The following LRRTM4 variants were observed in gnomAD, a reference collection of about 807,000 sequenced individuals.
LRRTM4 encodes the protein leucine rich repeat transmembrane neuronal 4, also known as leucine-rich repeat transmembrane neuronal protein 4.
Under a neutral mutation model 47.6 loss-of-function variants are expected in LRRTM4, and 25 were observed. That is an observed-to-expected ratio of 0.53 (90% CI 0.38 to 0.73). The LOEUF (loss-of-function observed/expected upper bound fraction) is 0.73. LRRTM4 is among the 30% of genes least tolerant of loss of function. The pLI, the probability that LRRTM4 is intolerant of heterozygous loss-of-function variation, is 0.00. For missense variants in LRRTM4, 638 were observed against 713.4 expected (o/e 0.89, Z 1.20); for synonymous variants, 311 against 269.5 (o/e 1.15, Z -1.51).
At chr2:77,317,985 T>A (rs1271057518) in intron 3 of LRRTM4, among the ~76,000 whole-genome samples, 2 of 150,980 alleles carry the variant, frequency 1.3e-5, no homozygotes, top group African/African-American at 4.9e-5. Context: ...AACATTTTCC[T>A]TTAAATTCCT....
intron 3 of LRRTM4, among the ~76,000 whole-genome samples, chr2:76,938,326 G>C (rs1047350688): frequency 6.6e-6 from 1 of 152,072 alleles, no homozygotes. Context: ...CATTCTGCTA[G>C]TATTTTAGAT....
intron 3 of LRRTM4, among the ~76,000 whole-genome samples, chr2:77,204,804 G>A (rs192606850): frequency 6.6e-6 from 1 of 152,246 alleles, no homozygotes; most frequent in Admixed American, 6.5e-5. Flanking sequence ...GGAAGGGCTC[G>A]ATAAATACTC....
At chr2:77,411,233 T>C (rs1674409057) in intron 3 of LRRTM4, among the ~76,000 whole-genome samples, 1 of 152,076 alleles carries the variant, frequency 6.6e-6, no homozygotes, top group Non-Finnish European at 1.5e-5. Flanking sequence ...ATAGCCTTAA[T>C]CTTCTTTGTG....
chr2:77,180,808 C>T (rs1052811731), intron 3 of LRRTM4, among the ~76,000 whole-genome samples: 1 of 152,018 alleles, frequency 6.6e-6, no homozygotes, highest in Non-Finnish European at 1.5e-5. Flanking sequence ...AAGGAGAAAT[C>T]GTGAATCTGG....
At chr2:77,092,808 C>T (rs1670690162) in intron 3 of LRRTM4, among the ~76,000 whole-genome samples, 1 of 142,598 alleles carries the variant, frequency 7.0e-6, no homozygotes, top group Non-Finnish European at 1.5e-5. Flanking sequence ...GTCAAATCAG[C>T]CAAGCAGTTT....
intron 3 of LRRTM4, among the ~76,000 whole-genome samples, chr2:76,831,289 ATT>A (rs1403948913): frequency 2.0e-5 from 3 of 152,158 alleles, no homozygotes; most frequent in Non-Finnish European, 2.9e-5. Context: ...ACAGGATACT[ATT>A]TGTAAATTTG....
intron 3 of LRRTM4, among the ~76,000 whole-genome samples, chr2:77,510,280 T>G (rs1010127751): frequency 6.6e-6 from 1 of 152,088 alleles, no homozygotes; most frequent in African/African-American, 2.4e-5. Context: ...AGTTAACACC[T>G]CAAATATTTA....
At chr2:76,968,303 G>C (rs1473702230) in intron 3 of LRRTM4, among the ~76,000 whole-genome samples, 1 of 135,852 alleles carries the variant, frequency 7.4e-6, no homozygotes, top group East Asian at 2.2e-4. Context: ...ACAATATATA[G>C]GGTTGGTAAA....
chr2:77,008,638 CTT>C (rs1043095700), intron 3 of LRRTM4, among the ~76,000 whole-genome samples: 33 of 152,234 alleles, frequency 2.2e-4, no homozygotes, highest in Middle Eastern at 3.4e-3. Context: ...AGACTATACT[CTT>C]GTCTTTCTTG....
In LRRTM4 at chr2:76,906,229, T is replaced by G. The variant is rs557566128; in HGVS notation, c.1552-157313A>C. Among the ~76,000 whole-genome samples, 111 of 152,194 alleles carry G rather than the reference T, an allele frequency of 7.3e-4. No homozygotes were observed. The Middle Eastern group carries it at 0.014, about 19-fold the overall frequency. On this transcript the variant is annotated intron_variant, in intron 3 of 3. Transcript: ENST00000409884. ...AGAAAAGAATTTTCAACCCAGAATTTCATATCCAGCCAAACTAAGCTTCAT... is the reference window on the plus strand; with the variant it reads ...AGAAAAGAATTTTCAACCCAGAATTGCATATCCAGCCAAACTAAGCTTCAT...
chr2:76,761,753 G>A (rs961424579), intron 3 of LRRTM4, among the ~76,000 whole-genome samples: 8 of 152,024 alleles, frequency 5.3e-5, no homozygotes, highest in Non-Finnish European at 1.0e-4. Context: ...TCCATCAAGC[G>A]ATAAATTTAA....
chr2:77,380,928 T>C (rs981061520), intron 3 of LRRTM4, among the ~76,000 whole-genome samples: 1 of 152,046 alleles, frequency 6.6e-6, no homozygotes, highest in Non-Finnish European at 1.5e-5. Flanking sequence ...TAGAAAACAA[T>C]ATTTTAAATG....
At chr2:77,118,733 A>C (rs1298557585) in intron 3 of LRRTM4, among the ~76,000 whole-genome samples, 1 of 151,826 alleles carries the variant, frequency 6.6e-6, no homozygotes, top group African/African-American at 2.4e-5. Flanking sequence ...GTTATTCATT[A>C]ATCATTTGAG....
intron 3 of LRRTM4, among the ~76,000 whole-genome samples, chr2:76,870,837 C>T (rs916890621): frequency 6.6e-6 from 1 of 152,178 alleles, no homozygotes; most frequent in Non-Finnish European, 1.5e-5. Context: ...ACACAAGGCT[C>T]ACATGAATGG....
rs570073658 is a variant in LRRTM4, at chr2:77,123,935, T to A, written c.1552-375019A>T. Among the ~76,000 whole-genome samples the A allele has an allele frequency of 2.6e-5, 4 of 152,222 alleles. No homozygotes were observed. The East Asian group carries it at 5.8e-4, about 22-fold the overall frequency. Reference sequence around the variant, plus strand: ...CACACTTTACATGCCATTGCAAGGATGGTTAGACAGTGGAAATAAGGAAAA... The same window carrying A: ...CACACTTTACATGCCATTGCAAGGAAGGTTAGACAGTGGAAATAAGGAAAA... On this transcript the variant is annotated intron_variant, in intron 3 of 3. Coordinates refer to ENST00000409884, the MANE Select transcript of LRRTM4 (RefSeq NM_001134745.3).
At chr2:76,788,152 G>A (rs1204080450) in intron 3 of LRRTM4, among the ~76,000 whole-genome samples, 1 of 152,098 alleles carries the variant, frequency 6.6e-6, no homozygotes, top group Admixed American at 6.6e-5. Context: ...GTCTGTAGTA[G>A]GAGAACCAAG....
intron 3 of LRRTM4, among the ~76,000 whole-genome samples, chr2:76,858,791 A>G (rs1672230771): frequency 6.6e-6 from 1 of 152,318 alleles, no homozygotes; most frequent in East Asian, 1.9e-4. Context: ...AATTTCATAA[A>G]TATTTCTTGT....
intron 3 of LRRTM4, among the ~76,000 whole-genome samples, chr2:76,832,921 T>C (rs1012260700): frequency 3.3e-5 from 5 of 152,028 alleles, no homozygotes; most frequent in African/African-American, 9.7e-5. Context: ...CCCAGAGGAA[T>C]TATGCTACCA....
intron 3 of LRRTM4, among the ~76,000 whole-genome samples, chr2:76,768,923 T>G: frequency 6.6e-6 from 1 of 152,220 alleles, no homozygotes. Flanking sequence ...TATATTGAAA[T>G]TCACATAAAA....
Sources: allele counts gnomAD v4.1 joint callset (sites outside exome capture counted in the v4.1 genomes callset), GRCh38; gene constraint gnomAD v4.1.1; transcripts MANE v1.5; gene names NCBI Gene and HGNC (gene_info 2026-07-23, HGNC 2026-07-21).